Variants in WWC2 observed in about 807,000 individuals in gnomAD.
The protein encoded by WWC2 is WW and C2 domain containing 2.
A neutral mutation model predicts 138.5 loss-of-function variants in WWC2; 101 were observed. The observed-to-expected ratio is 0.73, with a 90% CI of 0.62 to 0.86. The LOEUF (loss-of-function observed/expected upper bound fraction) is 0.86, where lower values mean the gene tolerates loss of function less well. Ranked by LOEUF, WWC2 falls within the 40% of genes least tolerant of loss-of-function variation. WWC2 has a pLI of 0.00. For synonymous variants in WWC2, 558 were observed against 538.4 expected, an observed-to-expected ratio of 1.04 and a Z score of -0.50; for missense variants, 1,420 against 1,419.4, an observed-to-expected ratio of 1.00 and a Z score of -0.01.
chr4:183,104,802 A>G (rs913326628), intron 1 of WWC2, among the ~76,000 whole-genome samples: 2 of 152,242 alleles, frequency 1.3e-5, no homozygotes, highest in African/African-American at 2.4e-5. Context: ...TGCTTAGTAT[A>G]TTGGAGGGTC....
intron 1 of WWC2, among the ~76,000 whole-genome samples, chr4:183,142,261 A>C (rs1446991748): frequency 6.6e-6 from 1 of 152,224 alleles, no homozygotes; most frequent in Non-Finnish European, 1.5e-5. Flanking sequence ...TAAATGTTAA[A>C]TATTGCTGTT....
rs904454649 is a variant in WWC2 at position 183,318,125 on chromosome 4, G to T, written c.*2396G>T. 6.6e-6 allele frequency: 1 copy of T among 152,026 alleles called. No homozygotes were observed. The highest frequency in any genetic ancestry group is 1.5e-5 in the Non-Finnish European group (1 of 67,992). 9.4% of individuals were successfully genotyped at this position (152,026 alleles called of 1,614,324 possible). On this transcript the variant is annotated 3_prime_UTR_variant, in exon 23 of 23. Transcript: ENST00000403733. The stretch of plus-strand genomic sequence containing the variant: ...TATTTTTAAAAGGTAGAATTTATTC[G>T]CACAGGGTAAAAAGAATGTAATATT...
chr4:183,282,769 T>C lies in WWC2; in HGVS notation c.2746T>C (p.Leu916=). 2 of 1,581,460 alleles carry C rather than the reference T, an allele frequency of 1.3e-6. No individual in the cohort carries two copies. Among genetic ancestry groups the C allele is most frequent in the Middle Eastern group, 3.3e-4 (2 of 6,018 alleles). Residue 916 remains leucine, a synonymous_variant, in exon 18 of 23, where the codon TTG becomes CTG. Coordinates refer to ENST00000403733, the MANE Select transcript of WWC2 (RefSeq NM_024949.6). ...IVAEKEAEVK[L]PEDSSCTEDL... The stretch of plus-strand genomic sequence containing the variant: ...GGCTGAAAAAGAGGCTGAAGTTAAA[T>C]TGCCAGAGGACAGTAGCTGTACAGA...
intron 21 of WWC2, among the ~76,000 whole-genome samples, chr4:183,295,181 A>G (rs143661798): frequency 6.6e-6 from 1 of 152,202 alleles, no homozygotes; most frequent in African/African-American, 2.4e-5. Context: ...TCGAACTCCT[A>G]TGCTCCTTCA....
intron 1 of WWC2, among the ~76,000 whole-genome samples, chr4:183,104,490 G>T (rs1743288993): frequency 6.6e-6 from 1 of 152,064 alleles, no homozygotes; most frequent in South Asian, 2.1e-4. Flanking sequence ...ATAAATATGA[G>T]AATTACTTAT....
At chr4:183,209,233 G>A (rs1361405703) in intron 4 of WWC2, among the ~76,000 whole-genome samples, 1 of 152,064 alleles carries the variant, frequency 6.6e-6, no homozygotes, top group Non-Finnish European at 1.5e-5. Flanking sequence ...CCACTATTGG[G>A]TAGTGTTTTG....
At chr4:183,269,704 A>G in intron 15 of WWC2, 1 of 354,220 alleles carries the variant, frequency 2.8e-6, no homozygotes, top group Non-Finnish European at 5.6e-6. Flanking sequence ...ATTAAAATTA[A>G]GCAAGACCAC....
At chr4:183,233,595 A>T (rs1293992283) in intron 4 of WWC2, 1 of 151,608 alleles carries the variant, frequency 6.6e-6, no homozygotes, top group Non-Finnish European at 1.5e-5. Flanking sequence ...TTTCCTTTTT[A>T]TTATTGTTAA....
At position 183,265,017 on chromosome 4, in the gene WWC2, T is replaced by A. The variant is rs1737454093; in HGVS notation, c.1949T>A (p.Leu650Ter). Residue 650 changes from leucine to a stop codon, truncating the protein, a stop_gained, in exon 12 of 23, where the codon TTG becomes TAG. Transcript: ENST00000403733. LOFTEE classifies it high-confidence loss of function. ...KSLPKRRVIH[L>*]LGEKTTCVSA... ...TTACCAAAAAGAAGAGTGATCCACT[T>A]GCTTGGGGAGAAAACCACTTGTGTG... 6.2e-7 allele frequency: 1 copy of A among 1,613,360 alleles called. No individual in the cohort carries two copies. The highest frequency in any genetic ancestry group is 8.5e-7 in the Non-Finnish European group (1 of 1,179,596).
chr4:183,152,105 A>G (rs926800246), intron 1 of WWC2, among the ~76,000 whole-genome samples: 3 of 152,218 alleles, frequency 2.0e-5, no homozygotes, highest in South Asian at 2.1e-4. Context: ...TGGACTTACA[A>G]ATCCACAGAG....
At chr4:183,156,864 T>A (rs974157298) in intron 1 of WWC2, among the ~76,000 whole-genome samples, 4 of 152,240 alleles carry the variant, frequency 2.6e-5, no homozygotes, top group African/African-American at 9.6e-5. Flanking sequence ...TTTTACCATG[T>A]TGGCATTGTC....
chr4:183,137,138 A>G (rs914769305), intron 1 of WWC2, among the ~76,000 whole-genome samples: 2 of 152,172 alleles, frequency 1.3e-5, no homozygotes, highest in Non-Finnish European at 2.9e-5. Flanking sequence ...ATTACTGTAC[A>G]CTACTGTACC....
At chr4:183,230,905 C>T (rs1736225612) in intron 4 of WWC2, among the ~76,000 whole-genome samples, 1 of 152,100 alleles carries the variant, frequency 6.6e-6, no homozygotes. Flanking sequence ...AGTGAAATGA[C>T]TAAATTCGTA....
At position 183,315,977 on chromosome 4, in the gene WWC2, G is replaced by T. The variant is rs1739424108; in HGVS notation, c.*248G>T. 5 of 390,706 alleles carry T rather than the reference G, an allele frequency of 1.3e-5. No individual in the cohort carries two copies. Among genetic ancestry groups the T allele is most frequent in the Non-Finnish European group, 1.9e-5 (4 of 211,936 alleles). 24.2% of individuals were successfully genotyped at this position (390,706 alleles called of 1,614,324 possible). A position where few individuals can be genotyped will look rare whatever the true frequency, so the allele number is the denominator to read the frequency against. On this transcript the variant is annotated 3_prime_UTR_variant, in exon 23 of 23. Coordinates refer to ENST00000403733, the MANE Select transcript of WWC2 (RefSeq NM_024949.6). The stretch of plus-strand genomic sequence containing the variant: ...TGGGATAACCTGGTACACAAATGTT[G>T]CCCAGTATGTGCGCATTGCCAGTGG...
chr4:183,216,674 G>A (rs1199802190), intron 4 of WWC2, among the ~76,000 whole-genome samples: 1 of 152,212 alleles, frequency 6.6e-6, no homozygotes, highest in African/African-American at 2.4e-5. Flanking sequence ...AGTATGAGGA[G>A]AAGGACCCAA....
chr4:183,282,712 ACAATG>A lies in WWC2; in HGVS notation c.2691_2695del (p.Met898LysfsTer5). On this transcript the variant is annotated frameshift_variant, in exon 18 of 23. Coordinates refer to ENST00000403733, the MANE Select transcript of WWC2 (RefSeq NM_024949.6). LOFTEE classifies it high-confidence loss of function. Reference sequence around the variant, plus strand: ...TTTGTTTTTGTTTTACCATAGGCTAACAATGCTAAGAGAGGCCTCTGATGAAATTG... The same window carrying A: ...TTTGTTTTTGTTTTACCATAGGCTAACTAAGAGAGGCCTCTGATGAAATTG... 6.4e-7 allele frequency: 1 copy of A among 1,566,674 alleles called. No individual in the cohort carries two copies. The highest frequency in any genetic ancestry group is 8.7e-7 in the Non-Finnish European group (1 of 1,154,896).
At chr4:183,108,299 T>C (rs1030680220) in intron 1 of WWC2, among the ~76,000 whole-genome samples, 15 of 152,148 alleles carry the variant, frequency 9.9e-5, no homozygotes, top group African/African-American at 3.4e-4. Context: ...ACCCTTGATG[T>C]GATGTGGTGA....
chr4:183,311,873 G>A lies in WWC2; in HGVS notation c.3385-468G>A, dbSNP rs115557806. Among the ~76,000 whole-genome samples the A allele has an allele frequency of 4.9e-3, 741 of 151,716 alleles. 5 individuals are homozygous for A. Among genetic ancestry groups the A allele is most frequent in the African/African-American group, 0.017 (715 of 41,392 alleles). On this transcript the variant is annotated intron_variant, in intron 21 of 22. Transcript: ENST00000403733. ...ATTACAGGAGTGAGCCACCGCACCC[G>A]GCATGTGCAGGTTTTTTGATTGGTA... is the stretch of plus-strand genomic sequence containing the variant.
At chr4:183,174,048 G>C (rs1235928371) in intron 1 of WWC2, among the ~76,000 whole-genome samples, 1 of 152,014 alleles carries the variant, frequency 6.6e-6, no homozygotes, top group Non-Finnish European at 1.5e-5. Flanking sequence ...CCAATTCTTC[G>C]GCCTGACAAA....
Sources: gnomAD v4.1 joint callset for allele counts (sites outside exome capture counted in the v4.1 genomes callset) on GRCh38, gnomAD v4.1.1 for gene constraint, MANE v1.5 for transcripts, NCBI Gene and HGNC (gene_info 2026-07-23, HGNC 2026-07-21) for gene names.